Variants in GMDS observed in about 807,000 individuals in gnomAD.
GMDS encodes the protein GDP-mannose 4,6 dehydratase.
A neutral mutation model predicts 49.9 loss-of-function variants in GMDS; 20 were observed. The observed-to-expected ratio is 0.40, with a 90% CI of 0.28 to 0.58. GMDS has a LOEUF of 0.58. GMDS is among the 20% of genes least tolerant of loss of function. The pLI, the probability that GMDS is intolerant of heterozygous loss-of-function variation, is 0.42. For missense variants in GMDS, 362 were observed against 481.4 expected (o/e 0.75, Z 2.32); for synonymous variants, 177 against 178.6 (o/e 0.99, Z 0.07).
In GMDS at chr6:1,663,802, C is replaced by G. The variant is rs532541272; in HGVS notation, c.988-39262G>C. On this transcript the variant is annotated intron_variant, in intron 9 of 10. Coordinates refer to ENST00000380815, the MANE Select transcript of GMDS (RefSeq NM_001500.4). ...CTGCTGAAATGTCTCATCAGAGAGG[C>G]CTTCCTTGATCACCTTTACCCTGCT... is the stretch of plus-strand genomic sequence containing the variant. Among the ~76,000 whole-genome samples the G allele has an allele frequency of 5.3e-5, 8 of 152,290 alleles. No individual in the cohort carries two copies. The East Asian group carries it at 5.8e-4, about 11-fold the overall frequency.
intron 7 of GMDS, among the ~76,000 whole-genome samples, chr6:1,902,759 A>G (rs1324227196): frequency 6.6e-6 from 1 of 152,226 alleles, no homozygotes; most frequent in Non-Finnish European, 1.5e-5. Context: ...TCTGGGTCAA[A>G]TAACAGGTAA....
chr6:2,075,255 T>C (rs1242753463), intron 4 of GMDS, among the ~76,000 whole-genome samples: 1 of 152,182 alleles, frequency 6.6e-6, no homozygotes. Flanking sequence ...TATAAATTTT[T>C]TTTTTTTACA....
chr6:2,212,219 C>T (rs1581803824), intron 1 of GMDS, among the ~76,000 whole-genome samples: 1 of 152,144 alleles, frequency 6.6e-6, no homozygotes, highest in East Asian at 1.9e-4. Context: ...TATAAAATAG[C>T]AATATCTCAA....
chr6:2,180,634 A>C (rs1778478861), intron 1 of GMDS, among the ~76,000 whole-genome samples: 1 of 152,168 alleles, frequency 6.6e-6, no homozygotes, highest in African/African-American at 2.4e-5. Flanking sequence ...GTTGAGACAT[A>C]AATTATATAT....
At position 2,211,235 on chromosome 6, in the gene GMDS, G is replaced by A. The variant is rs560569992; in HGVS notation, c.102+34086C>T. Among the ~76,000 whole-genome samples the A allele has an allele frequency of 2.0e-5, 3 of 152,300 alleles. No individual in the cohort carries two copies. In the South Asian group the frequency reaches 6.2e-4, roughly 32 times the overall value. On this transcript the variant is annotated intron_variant, in intron 1 of 10. Transcript: ENST00000380815. ...TCTTTCCTCTGCCACCACACTAGAAGAGTAAGAGGAATGTTTTTTGGGGAT... is the reference window on the plus strand; with the variant it reads ...TCTTTCCTCTGCCACCACACTAGAAAAGTAAGAGGAATGTTTTTTGGGGAT...
intron 6 of GMDS, among the ~76,000 whole-genome samples, chr6:1,954,121 A>G (rs1352821714): frequency 6.6e-6 from 1 of 152,248 alleles, no homozygotes; most frequent in Non-Finnish European, 1.5e-5. Flanking sequence ...ATATAAAAAT[A>G]AAGATATGTA....
At chr6:1,639,566 C>T (rs2569861) in intron 9 of GMDS, among the ~76,000 whole-genome samples, 29,167 of 152,228 alleles carry the variant, frequency 0.19, 3,018 homozygotes, top group Non-Finnish European at 0.23. Flanking sequence ...AAGCAGTCAT[C>T]GCCAGCTGAG....
intron 2 of GMDS, among the ~76,000 whole-genome samples, chr6:2,119,097 A>G (rs3800155): frequency 0.17 from 26,590 of 152,010 alleles, 2,716 homozygotes; most frequent in Middle Eastern, 0.23. Context: ...TCTATATACT[A>G]AAAAGAGTAA....
At chr6:2,125,604 G>GAA (rs934344276) in intron 1 of GMDS, among the ~76,000 whole-genome samples, 24 of 149,312 alleles carry the variant, frequency 1.6e-4, no homozygotes, top group African/African-American at 5.9e-4. Context: ...CAGAGGGAAA[G>GAA]AAAAAAAAAA....
chr6:2,001,439 C>T (rs1053017388), intron 4 of GMDS, among the ~76,000 whole-genome samples: 2 of 152,088 alleles, frequency 1.3e-5, no homozygotes, highest in African/African-American at 4.8e-5. Context: ...CTGTGGGTTG[C>T]CATTCTCTTT....
chr6:1,938,847 T>G (rs1762670744), intron 6 of GMDS, among the ~76,000 whole-genome samples: 1 of 152,150 alleles, frequency 6.6e-6, no homozygotes, highest in Admixed American at 6.5e-5. Context: ...TGCTCTTATC[T>G]GTAATAGTCT....
In GMDS at chr6:2,090,682, T is replaced by C. The variant is rs754700788; in HGVS notation, c.345+25089A>G. On this transcript the variant is annotated intron_variant, in intron 4 of 10. Transcript: ENST00000380815. Reference sequence around the variant, plus strand: ...GAATAAAAACCAAAAGTTTTTGGAATGGTGCTATGTTTTATACTGATACTC... The same window carrying C: ...GAATAAAAACCAAAAGTTTTTGGAACGGTGCTATGTTTTATACTGATACTC... Among the ~76,000 whole-genome samples, 102 of 152,322 alleles carry C rather than the reference T, an allele frequency of 6.7e-4. 1 individual carries two copies. The highest frequency in any genetic ancestry group is 6.8e-3 in the Middle Eastern group (2 of 294).
intron 7 of GMDS, among the ~76,000 whole-genome samples, chr6:1,878,321 A>G (rs1759197651): frequency 6.6e-6 from 1 of 151,456 alleles, no homozygotes; most frequent in African/African-American, 2.4e-5. Context: ...TCTCAAAAAA[A>G]AAAAAAAAAA....
At chr6:2,215,409 C>A (rs1780280993) in intron 1 of GMDS, among the ~76,000 whole-genome samples, 1 of 152,070 alleles carries the variant, frequency 6.6e-6, no homozygotes, top group Admixed American at 6.6e-5. Flanking sequence ...AAATGAGAGC[C>A]AAGCAAAAGG....
At chr6:2,173,475 A>G (rs927337197) in intron 1 of GMDS, among the ~76,000 whole-genome samples, 1 of 152,242 alleles carries the variant, frequency 6.6e-6, no homozygotes, top group African/African-American at 2.4e-5. Flanking sequence ...GCAGCAAGGC[A>G]GAGAAAGTCA....
intron 4 of GMDS, among the ~76,000 whole-genome samples, chr6:2,038,846 G>A (rs1471956259): frequency 2.6e-5 from 4 of 152,188 alleles, no homozygotes; most frequent in African/African-American, 7.2e-5. Flanking sequence ...CAGGGGCAAC[G>A]TGAAGGCACA....
At chr6:2,036,940 T>C (rs1769342387) in intron 4 of GMDS, among the ~76,000 whole-genome samples, 1 of 152,200 alleles carries the variant, frequency 6.6e-6, no homozygotes, top group Non-Finnish European at 1.5e-5. Context: ...AGTAGATACA[T>C]CCTAATTTCT....
intron 8 of GMDS, among the ~76,000 whole-genome samples, chr6:1,740,524 T>C (rs1384452923): frequency 6.7e-6 from 1 of 148,812 alleles, no homozygotes; most frequent in Non-Finnish European, 1.5e-5. Context: ...GCCACTGCAC[T>C]CCAGCCTGGG....
intron 4 of GMDS, among the ~76,000 whole-genome samples, chr6:1,985,037 T>G (rs1471964044): frequency 6.6e-6 from 1 of 152,228 alleles, no homozygotes. Flanking sequence ...TCAGGCTTGT[T>G]GCTTAAAATC....
Sources: allele counts gnomAD v4.1 joint callset (sites outside exome capture counted in the v4.1 genomes callset), GRCh38; gene constraint gnomAD v4.1.1; transcripts MANE v1.5; gene names NCBI Gene and HGNC (gene_info 2026-07-23, HGNC 2026-07-21).